The following HPSE2 variants were observed in gnomAD, a reference collection of about 807,000 sequenced individuals.
HPSE2 encodes the protein inactive heparanase-2.
Under a neutral mutation model 60.5 loss-of-function variants are expected in HPSE2, and 38 were observed. That is an observed-to-expected ratio of 0.63 (90% CI 0.48 to 0.82). HPSE2 has a LOEUF of 0.82. HPSE2 is among the 40% of genes least tolerant of loss of function. The pLI, the probability that HPSE2 is intolerant of heterozygous loss-of-function variation, is 0.00. For synonymous variants in HPSE2, 295 were observed against 293.2 expected (o/e 1.01, Z -0.06); for missense variants, 713 against 740.4 (o/e 0.96, Z 0.43).
At chr10:98,516,118 G>A (rs1942593459) in intron 9 of HPSE2, among the ~76,000 whole-genome samples, 5 of 152,154 alleles carry the variant, frequency 3.3e-5, no homozygotes. Context: ...GTCCGTGTTT[G>A]TTCATAACAA....
At chr10:99,134,107 C>T (rs1273806391) in intron 3 of HPSE2, among the ~76,000 whole-genome samples, 4 of 151,466 alleles carry the variant, frequency 2.6e-5, no homozygotes, top group African/African-American at 7.3e-5. Context: ...ATCGATCAAG[C>T]GAAAGAAAGG....
chr10:98,986,037 A>G (rs1322151968), intron 3 of HPSE2, among the ~76,000 whole-genome samples: 1 of 152,282 alleles, frequency 6.6e-6, no homozygotes, highest in East Asian at 1.9e-4. Context: ...CCACACAATA[A>G]TAATGGGAGA....
At chr10:98,921,367 T>G (rs911952194) in intron 3 of HPSE2, among the ~76,000 whole-genome samples, 4 of 152,188 alleles carry the variant, frequency 2.6e-5, no homozygotes, top group African/African-American at 9.6e-5. Flanking sequence ...ATTTTTCTTT[T>G]AACTAGAAAG....
At chr10:98,547,708 T>G (rs1943733195) in intron 9 of HPSE2, among the ~76,000 whole-genome samples, 2 of 149,452 alleles carry the variant, frequency 1.3e-5, no homozygotes, top group Non-Finnish European at 1.5e-5. Context: ...TAATGCTAAA[T>G]GACGAGTTAA....
intron 11 of HPSE2, among the ~76,000 whole-genome samples, chr10:98,461,568 T>C (rs1940291840): frequency 6.6e-6 from 1 of 152,242 alleles, no homozygotes; most frequent in Non-Finnish European, 1.5e-5. Context: ...CAGATGGGTC[T>C]TCACAGTGTA....
chr10:99,219,351 C>G (rs1849236026), intron 2 of HPSE2, among the ~76,000 whole-genome samples: 1 of 152,160 alleles, frequency 6.6e-6, no homozygotes, highest in Non-Finnish European at 1.5e-5. Flanking sequence ...CATTCTACAG[C>G]CTCTTCAGGA....
intron 9 of HPSE2, among the ~76,000 whole-genome samples, chr10:98,536,628 T>A (rs2133812978): frequency 6.6e-6 from 1 of 152,264 alleles, no homozygotes; most frequent in Middle Eastern, 3.4e-3. Flanking sequence ...GATTCATAGC[T>A]CTGAATCAAC....
chr10:99,024,376 G>A (rs1199368512), intron 3 of HPSE2, among the ~76,000 whole-genome samples: 1 of 152,058 alleles, frequency 6.6e-6, no homozygotes, highest in Non-Finnish European at 1.5e-5. Flanking sequence ...AACCCTCGGG[G>A]TATCCTCAAA....
At chr10:98,547,585 C>G (rs907719606) in intron 9 of HPSE2, among the ~76,000 whole-genome samples, 9 of 135,824 alleles carry the variant, frequency 6.6e-5, no homozygotes, top group Admixed American at 3.4e-4. Context: ...TGTTCTCACT[C>G]ATAGGTGGGA....
chr10:99,202,817 T>C (rs982891683), intron 2 of HPSE2, among the ~76,000 whole-genome samples: 1 of 152,058 alleles, frequency 6.6e-6, no homozygotes, highest in Admixed American at 6.5e-5. Context: ...TGAGAGATTA[T>C]AGCACCTAGG....
At chr10:98,717,589 A>G (rs1212220929) in intron 5 of HPSE2, among the ~76,000 whole-genome samples, 1 of 152,070 alleles carries the variant, frequency 6.6e-6, no homozygotes, top group Admixed American at 6.6e-5. Flanking sequence ...AAAGCCTGAG[A>G]ACAGGGAGAG....
At chr10:98,538,064 C>T (rs1943343285) in intron 9 of HPSE2, among the ~76,000 whole-genome samples, 1 of 152,242 alleles carries the variant, frequency 6.6e-6, no homozygotes, top group African/African-American at 2.4e-5. Context: ...ATGTGACCTG[C>T]TTCACCTTGT....
chr10:98,917,163 C>A (rs995600510), intron 3 of HPSE2, among the ~76,000 whole-genome samples: 13 of 152,064 alleles, frequency 8.5e-5, no homozygotes, highest in African/African-American at 3.1e-4. Flanking sequence ...TACATGCAGA[C>A]CACCCTGACA....
intron 10 of HPSE2, 64 bp from the exon 11 acceptor site, chr10:98,482,846 A>G: frequency 6.5e-7 from 1 of 1,547,404 alleles, no homozygotes. Flanking sequence ...ATGCTTCTAA[A>G]TAATTTATAG....
intron 3 of HPSE2, among the ~76,000 whole-genome samples, chr10:99,115,701 T>C (rs752484881): frequency 1.3e-5 from 2 of 152,178 alleles, no homozygotes; most frequent in African/African-American, 2.4e-5. Flanking sequence ...TTTCTGATCA[T>C]ATGTATAAAA....
intron 3 of HPSE2, among the ~76,000 whole-genome samples, chr10:98,909,396 C>T (rs768392537): frequency 7.0e-4 from 104 of 149,020 alleles, no homozygotes; most frequent in Non-Finnish European, 1.3e-3. Flanking sequence ...TTTGGGAGGT[C>T]GAAGCGGGTG....
chr10:98,478,334 C>G (rs1276966215), intron 11 of HPSE2, among the ~76,000 whole-genome samples: 1 of 152,080 alleles, frequency 6.6e-6, no homozygotes. Context: ...CTTTGTGTGG[C>G]CTCTTAGTGG....
chr10:99,070,887 T>C (rs768078512), intron 3 of HPSE2, among the ~76,000 whole-genome samples: 6 of 152,162 alleles, frequency 3.9e-5, no homozygotes, highest in South Asian at 2.1e-4. Flanking sequence ...GTTTACTACA[T>C]ATTCTTTGTC....
chr10:98,728,233 G>A (rs964761808), intron 4 of HPSE2, among the ~76,000 whole-genome samples: 16 of 152,088 alleles, frequency 1.1e-4, no homozygotes, highest in African/African-American at 3.9e-4. Context: ...TCTATTGTTG[G>A]GCTTATAAAA....
Sources: allele counts gnomAD v4.1 joint callset (sites outside exome capture counted in the v4.1 genomes callset), GRCh38; gene constraint gnomAD v4.1.1; transcripts MANE v1.5; gene names NCBI Gene and HGNC (gene_info 2026-07-23, HGNC 2026-07-21).